Variants in KLHDC10 observed in about 807,000 individuals in gnomAD.
The protein encoded by KLHDC10 is kelch domain-containing protein 10.
In KLHDC10, 24 loss-of-function variants were observed where a neutral mutation model predicts 56.1. The ratio of observed to expected loss-of-function variants is 0.43; its 90% CI spans 0.31 to 0.60. The LOEUF is 0.60. Ranked by LOEUF, KLHDC10 falls within the 20% of genes least tolerant of loss-of-function variation. KLHDC10 has a pLI of 0.11. For synonymous variants in KLHDC10, 188 were observed against 207.1 expected (o/e 0.91, Z 0.79); for missense variants, 349 against 567.0 (o/e 0.62, Z 3.91).
rs189269683 is a variant in KLHDC10, at chr7:130,071,103, C to T, written c.166+294C>T. On this transcript the variant is annotated intron_variant, in intron 1 of 9. Coordinates refer to ENST00000335420, the MANE Select transcript of KLHDC10 (RefSeq NM_014997.4). Reference sequence around the variant, plus strand: ...TTCCAAATGTTTCGGTTACTCGATTCCCAATCTCTTCCCCTTCCGCAGTTT... The same window carrying T: ...TTCCAAATGTTTCGGTTACTCGATTTCCAATCTCTTCCCCTTCCGCAGTTT... Among the ~76,000 whole-genome samples, 225 of 152,310 alleles carry T rather than the reference C, an allele frequency of 1.5e-3. 1 individual carries two copies. The highest frequency in any genetic ancestry group is 2.6e-3 in the Non-Finnish European group (179 of 68,024).
intron 2 of KLHDC10, among the ~76,000 whole-genome samples, chr7:130,101,831 G>A (rs1359546392): frequency 3.3e-5 from 5 of 151,940 alleles, no homozygotes; most frequent in Admixed American, 6.6e-5. Context: ...TTAGCCGGGC[G>A]TGGTAGCAGG....
intron 1 of KLHDC10, among the ~76,000 whole-genome samples, chr7:130,075,391 A>T (rs1056057961): frequency 6.6e-6 from 1 of 152,228 alleles, no homozygotes; most frequent in South Asian, 2.1e-4. Context: ...AGTAATGTGT[A>T]TAAAATCCAA....
intron 2 of KLHDC10, among the ~76,000 whole-genome samples, chr7:130,105,784 A>G (rs1795999386): frequency 1.3e-5 from 2 of 152,170 alleles, no homozygotes; most frequent in Admixed American, 6.5e-5. Context: ...TATTTTAATA[A>G]TTTATTAAGC....
At chr7:130,125,423 G>A (rs1346137075) in intron 6 of KLHDC10, among the ~76,000 whole-genome samples, 2 of 152,040 alleles carry the variant, frequency 1.3e-5, no homozygotes, top group African/African-American at 4.8e-5. Context: ...GGCACCTGTA[G>A]TCTCAGCTAC....
chr7:130,117,352 C>T (rs1335045758), intron 3 of KLHDC10, among the ~76,000 whole-genome samples: 1 of 152,096 alleles, frequency 6.6e-6, no homozygotes, highest in African/African-American at 2.4e-5. Flanking sequence ...CATCAATTGG[C>T]TCTTCCTTTC....
chr7:130,072,315 T>C (rs1325965096), intron 1 of KLHDC10, among the ~76,000 whole-genome samples: 1 of 152,214 alleles, frequency 6.6e-6, no homozygotes, highest in Non-Finnish European at 1.5e-5. Context: ...CTTGGTGCAC[T>C]TCCTCACTTC....
chr7:130,077,600 G>T (rs1353757503), intron 1 of KLHDC10, among the ~76,000 whole-genome samples: 1 of 132,762 alleles, frequency 7.5e-6, no homozygotes, highest in Non-Finnish European at 1.6e-5. Context: ...CTGTCGCCCA[G>T]GCTGGAGTGC....
rs1478769611 is a variant in KLHDC10 at position 130,113,863 on chromosome 7, T to TA, written c.254-2581dup. Among the ~76,000 whole-genome samples, 8 of 152,352 alleles carry TA rather than the reference T, an allele frequency of 5.3e-5. No homozygotes were observed. In the East Asian group the frequency reaches 1.3e-3, roughly 26 times the overall value. ...AAAATTATCTGTTGGCTTCAGGTAA[T>TA]ACAGCAAATGACAGAGATTTTTAGA... is the stretch of plus-strand genomic sequence containing the variant. On this transcript the variant is annotated intron_variant, in intron 2 of 9. Transcript: ENST00000335420.
chr7:130,080,695 A>T (rs758394614), intron 1 of KLHDC10, among the ~76,000 whole-genome samples: 5 of 151,792 alleles, frequency 3.3e-5, no homozygotes, highest in African/African-American at 4.8e-5. Context: ...CCGTGTGCAG[A>T]CCAATTATAT....
intron 1 of KLHDC10, among the ~76,000 whole-genome samples, chr7:130,071,620 G>T (rs994304277): frequency 1.3e-5 from 2 of 152,150 alleles, no homozygotes; most frequent in East Asian, 1.9e-4. Flanking sequence ...GTTTGTAATT[G>T]AATATTCAAT....
At chr7:130,126,541 T>G (rs1233635531) in intron 7 of KLHDC10, among the ~76,000 whole-genome samples, 1 of 151,866 alleles carries the variant, frequency 6.6e-6, no homozygotes, top group Non-Finnish European at 1.5e-5. Context: ...CTGGGCGTGG[T>G]GGCATGTACC....
chr7:130,089,551 G>T (rs1795741455), intron 1 of KLHDC10, among the ~76,000 whole-genome samples: 1 of 152,198 alleles, frequency 6.6e-6, no homozygotes, highest in South Asian at 2.1e-4. Context: ...AAATTTAAAA[G>T]AAAGTCATTT....
intron 6 of KLHDC10, among the ~76,000 whole-genome samples, chr7:130,124,888 T>C (rs1043635122): frequency 6.6e-6 from 1 of 152,194 alleles, no homozygotes; most frequent in African/African-American, 2.4e-5. Flanking sequence ...CTGCTGTGTA[T>C]CTAAAAAGAA....
intron 1 of KLHDC10, among the ~76,000 whole-genome samples, chr7:130,076,089 C>T (rs1439692389): frequency 1.3e-5 from 2 of 152,018 alleles, no homozygotes; most frequent in Non-Finnish European, 2.9e-5. Context: ...GAAACTGTTC[C>T]ACCTCAGGTC....
At chr7:130,077,135 A>G (rs1795515975) in intron 1 of KLHDC10, among the ~76,000 whole-genome samples, 1 of 151,874 alleles carries the variant, frequency 6.6e-6, no homozygotes, top group African/African-American at 2.4e-5. Flanking sequence ...CAGGCGGATC[A>G]CTTGAGGCCA....
chr7:130,089,175 G>A (rs1260638247), intron 1 of KLHDC10, among the ~76,000 whole-genome samples: 2 of 151,896 alleles, frequency 1.3e-5, no homozygotes, highest in South Asian at 2.1e-4. Context: ...CCCCTTGTCC[G>A]AAACTTCTTA....
intron 1 of KLHDC10, among the ~76,000 whole-genome samples, chr7:130,076,752 G>A (rs1311275924): frequency 6.6e-6 from 1 of 152,096 alleles, no homozygotes; most frequent in Non-Finnish European, 1.5e-5. Context: ...GTCTATAGGT[G>A]TACTTAGTTC....
chr7:130,119,336 C>T (rs574153786), intron 3 of KLHDC10, among the ~76,000 whole-genome samples: 1 of 151,432 alleles, frequency 6.6e-6, no homozygotes, highest in African/African-American at 2.4e-5. Context: ...CATAGCAAAA[C>T]CCCATCTCTA....
intron 1 of KLHDC10, among the ~76,000 whole-genome samples, chr7:130,085,695 G>A (rs188625380): frequency 2.0e-5 from 3 of 151,818 alleles, no homozygotes; most frequent in East Asian, 3.9e-4. Context: ...AACGCCGGGC[G>A]TGGTGGCTTG....
Sources: gnomAD v4.1 joint callset for allele counts (sites outside exome capture counted in the v4.1 genomes callset) on GRCh38, gnomAD v4.1.1 for gene constraint, MANE v1.5 for transcripts, NCBI Gene and HGNC (gene_info 2026-07-23, HGNC 2026-07-21) for gene names.